SGMS1: variants seen among roughly 807,000 people sequenced by gnomAD.
SGMS1 encodes the protein phosphatidylcholine:ceramide cholinephosphotransferase 1.
SGMS1 carries 13 observed loss-of-function variants against 46.2 expected under a neutral mutation model. The observed-to-expected ratio is 0.28, with a 90% CI of 0.18 to 0.45. SGMS1 has a LOEUF of 0.45. SGMS1 is among the 20% of genes least tolerant of loss of function. The pLI, the probability that SGMS1 is intolerant of heterozygous loss-of-function variation, is 1.00. For missense variants in SGMS1, 324 were observed against 519.9 expected, an observed-to-expected ratio of 0.62 and a Z score of 3.66; for synonymous variants, 203 against 187.8, an observed-to-expected ratio of 1.08 and a Z score of -0.66.
At chr10:50,382,787 G>A (rs562189889) in intron 6 of SGMS1, among the ~76,000 whole-genome samples, 2 of 152,254 alleles carry the variant, frequency 1.3e-5, no homozygotes, top group African/African-American at 4.8e-5. Context: ...TCATACGACT[G>A]TCACTCTGGG....
rs749662046 is a variant in SGMS1 at position 50,380,994 on chromosome 10, C to CT, written c.-231-36650dup. Among the ~76,000 whole-genome samples the CT allele has an allele frequency of 7.6e-3, 1,049 of 138,646 alleles. 4 individuals carry two copies. Among genetic ancestry groups the CT allele is most frequent in the African/African-American group, 0.016 (588 of 37,586 alleles). 91.0% of individuals were successfully genotyped at this position (138,646 alleles called of 152,430 possible). Reference sequence around the variant, plus strand: ...CACAAGCATGTGCCACCACACCTGGCTTTTTTTTTTTTTTTTCCCAGAGAT... The same window carrying CT: ...CACAAGCATGTGCCACCACACCTGGCTTTTTTTTTTTTTTTTTCCCAGAGAT... On this transcript the variant is annotated intron_variant, in intron 6 of 10. Transcript: ENST00000361781.
rs572394711 is a variant in SGMS1, at chr10:50,561,501, C to T, written c.-589+28652G>A. 3.3e-5 allele frequency among the ~76,000 whole-genome samples: 5 copies of T among 152,312 alleles called. No individual in the cohort carries two copies. The East Asian group carries it at 9.6e-4, about 29-fold the overall frequency. The stretch of plus-strand genomic sequence containing the variant: ...ATGATTCTGAAATGCTAAGAATGAG[C>T]TGTGCTTAGTTCGTCACATTGATGC... On this transcript the variant is annotated intron_variant, in intron 2 of 10. Transcript: ENST00000361781.
chr10:50,330,027 G>C (rs1174273823), intron 7 of SGMS1, among the ~76,000 whole-genome samples: 1 of 152,150 alleles, frequency 6.6e-6, no homozygotes, highest in African/African-American at 2.4e-5. Flanking sequence ...TACTAGAATA[G>C]CATGTTATGT....
intron 6 of SGMS1, among the ~76,000 whole-genome samples, chr10:50,421,120 A>T (rs947936645): frequency 6.6e-6 from 1 of 152,206 alleles, no homozygotes; most frequent in Non-Finnish European, 1.5e-5. Context: ...ATTAAAATTT[A>T]AAGTACACGG....
chr10:50,375,413 T>C (rs1172508683), intron 6 of SGMS1, among the ~76,000 whole-genome samples: 1 of 152,174 alleles, frequency 6.6e-6, no homozygotes, highest in Non-Finnish European at 1.5e-5. Context: ...GAGTCAGGCA[T>C]TACCTTGTAG....
At chr10:50,434,720 CAA>C (rs35940464) in intron 5 of SGMS1, among the ~76,000 whole-genome samples, 9 of 137,124 alleles carry the variant, frequency 6.6e-5, no homozygotes, top group East Asian at 2.1e-4. Flanking sequence ...ACTAAAAATA[CAA>C]AAAAAAAAAA....
intron 1 of SGMS1, among the ~76,000 whole-genome samples, chr10:50,605,091 C>CA (rs1838682981): frequency 6.6e-6 from 1 of 152,032 alleles, no homozygotes; most frequent in Non-Finnish European, 1.5e-5. Context: ...TACATCTCCA[C>CA]AAAAAAGCAC....
At chr10:50,527,634 CATAA>C (rs547314048) in intron 2 of SGMS1, among the ~76,000 whole-genome samples, 1,673 of 152,218 alleles carry the variant, frequency 0.011, 14 homozygotes, top group Middle Eastern at 0.017. Context: ...CCAGTAGGAA[CATAA>C]ATAAAGTGTG....
At chr10:50,573,565 T>C (rs1334637505) in intron 2 of SGMS1, among the ~76,000 whole-genome samples, 1 of 152,208 alleles carries the variant, frequency 6.6e-6, no homozygotes, top group Non-Finnish European at 1.5e-5. Context: ...GAAGAATTAA[T>C]ATTGCTAAAA....
At chr10:50,357,236 T>C (rs1323202709) in intron 6 of SGMS1, among the ~76,000 whole-genome samples, 1 of 152,006 alleles carries the variant, frequency 6.6e-6, no homozygotes, top group African/African-American at 2.4e-5. Flanking sequence ...CAATATGCCA[T>C]GACATGGTAA....
intron 2 of SGMS1, among the ~76,000 whole-genome samples, chr10:50,579,208 T>C (rs1342494076): frequency 6.6e-6 from 1 of 151,958 alleles, no homozygotes; most frequent in East Asian, 1.9e-4. Flanking sequence ...ATAGAAGGGT[T>C]AGAAGGTAAA....
intron 6 of SGMS1, among the ~76,000 whole-genome samples, chr10:50,410,044 T>C (rs754085358): frequency 3.3e-5 from 5 of 152,226 alleles, no homozygotes; most frequent in Non-Finnish European, 5.9e-5. Flanking sequence ...ATGAGAATTA[T>C]AGGACACACT....
intron 6 of SGMS1, among the ~76,000 whole-genome samples, chr10:50,348,464 A>G (rs145441650): frequency 6.6e-6 from 1 of 152,346 alleles, no homozygotes; most frequent in African/African-American, 2.4e-5. Context: ...CAACTTCAGC[A>G]AAGTCTCAGG....
intron 6 of SGMS1, among the ~76,000 whole-genome samples, chr10:50,360,856 T>C (rs780693927): frequency 6.6e-6 from 1 of 152,192 alleles, no homozygotes; most frequent in African/African-American, 2.4e-5. Context: ...TTAGCTAGAA[T>C]AAAAATATTG....
chr10:50,585,785 C>A (rs1838477760), intron 2 of SGMS1, among the ~76,000 whole-genome samples: 1 of 152,206 alleles, frequency 6.6e-6, no homozygotes, highest in East Asian at 1.9e-4. Flanking sequence ...AGACCAAGAA[C>A]CATATCTGAT....
chr10:50,624,152 A>G (rs1337531164), upstream of SGMS1: 1 of 984,154 alleles, frequency 1.0e-6, no homozygotes, highest in Non-Finnish European at 1.2e-6. Context: ...CTTTCAAGTA[A>G]TGGGAAACTG....
chr10:50,418,670 C>G (rs1187360593), intron 6 of SGMS1, among the ~76,000 whole-genome samples: 3 of 152,146 alleles, frequency 2.0e-5, no homozygotes, highest in Admixed American at 2.0e-4. Context: ...ATTAATCTTA[C>G]GAAAGATACT....
intron 6 of SGMS1, among the ~76,000 whole-genome samples, chr10:50,420,145 T>C (rs748366306): frequency 4.6e-5 from 7 of 152,222 alleles, no homozygotes; most frequent in Non-Finnish European, 1.0e-4. Context: ...GTACTTAAGT[T>C]GGGCCTGTCT....
At chr10:50,422,102 T>C (rs1849262867) in intron 6 of SGMS1, among the ~76,000 whole-genome samples, 1 of 152,160 alleles carries the variant, frequency 6.6e-6, no homozygotes, top group Non-Finnish European at 1.5e-5. Flanking sequence ...ACAGATCTTA[T>C]TCTTTATACT....
Sources: allele counts gnomAD v4.1 joint callset (sites outside exome capture counted in the v4.1 genomes callset), GRCh38; gene constraint gnomAD v4.1.1; transcripts MANE v1.5; gene names NCBI Gene and HGNC (gene_info 2026-07-23, HGNC 2026-07-21).